The following MAP3K7CL variants were observed in gnomAD, a reference collection of about 807,000 sequenced individuals.
MAP3K7CL encodes the protein MAP3K7 C-terminal like, also known as MAP3K7 C-terminal-like protein.
In MAP3K7CL, 16 loss-of-function variants were observed where a neutral mutation model predicts 18.6. The observed-to-expected ratio is 0.86, with a 90% CI of 0.58 to 1.31. The LOEUF (loss-of-function observed/expected upper bound fraction) is 1.31, where lower values mean the gene tolerates loss of function less well. Ranked by LOEUF, MAP3K7CL falls within the 50% of genes most tolerant of loss-of-function variation. MAP3K7CL has a pLI of 0.00. For synonymous variants in MAP3K7CL, 65 were observed against 66.8 expected (o/e 0.97, Z 0.13); for missense variants, 163 against 174.4 (o/e 0.93, Z 0.37).
chr21:29,090,388 G>C (rs554606323), intron 1 of MAP3K7CL, among the ~76,000 whole-genome samples: 1 of 148,834 alleles, frequency 6.7e-6, no homozygotes, highest in East Asian at 2.0e-4. Flanking sequence ...TTGTTTTGTT[G>C]TTTTTTTTTT....
At chr21:29,164,110 AC>A (rs67201091) in intron 4 of MAP3K7CL, among the ~76,000 whole-genome samples, 18,659 of 151,358 alleles carry the variant, frequency 0.12, 1,369 homozygotes, top group East Asian at 0.32. Context: ...AAAAAAAAAA[AC>A]AAACTGCTAG....
At chr21:29,094,597 TG>T (rs2086088427) in intron 4 of MAP3K7CL, among the ~76,000 whole-genome samples, 1 of 152,198 alleles carries the variant, frequency 6.6e-6, no homozygotes, top group Non-Finnish European at 1.5e-5. Flanking sequence ...GTGCAAAATT[TG>T]TATCAACTAG....
At chr21:29,122,672 C>G (rs1667278159) in intron 4 of MAP3K7CL, among the ~76,000 whole-genome samples, 2 of 152,214 alleles carry the variant, frequency 1.3e-5, no homozygotes, top group South Asian at 4.1e-4. Flanking sequence ...TTCTCTACTT[C>G]TCTGCCGCTC....
chr21:29,123,067 T>C (rs1354492815), intron 4 of MAP3K7CL, among the ~76,000 whole-genome samples: 3 of 145,684 alleles, frequency 2.1e-5, no homozygotes, highest in Non-Finnish European at 3.0e-5. Context: ...TTTTTTTTTT[T>C]TTTTTTTTTT....
chr21:29,162,268 A>G (rs2146732645), intron 4 of MAP3K7CL, among the ~76,000 whole-genome samples: 1 of 151,658 alleles, frequency 6.6e-6, no homozygotes, highest in East Asian at 1.9e-4. Context: ...TTCAGACTGA[A>G]GGTACTGGAG....
chr21:29,126,453 T>TTTTG (rs1047156009), upstream of MAP3K7CL, among the ~76,000 whole-genome samples: 3 of 152,112 alleles, frequency 2.0e-5, no homozygotes, highest in Admixed American at 6.6e-5. Flanking sequence ...CTTTCTGTTT[T>TTTTG]TTTGTTTGTT....
At chr21:29,129,215 G>T (rs537582455), upstream of MAP3K7CL, among the ~76,000 whole-genome samples, 2 of 152,128 alleles carry the variant, frequency 1.3e-5, no homozygotes, top group African/African-American at 2.4e-5. Context: ...TTACATTAGG[G>T]TTCACTCTGT....
At chr21:29,077,786 G>C (rs1023525618) in intron 1 of MAP3K7CL, 1 of 152,322 alleles carries the variant, frequency 6.6e-6, no homozygotes, top group Non-Finnish European at 1.5e-5. Context: ...AATCAAGAGG[G>C]TTTTTGCGCA....
At chr21:29,082,774 A>T (rs2085857606), upstream of MAP3K7CL, among the ~76,000 whole-genome samples, 1 of 152,206 alleles carries the variant, frequency 6.6e-6, no homozygotes, top group South Asian at 2.1e-4. Flanking sequence ...CTAAAACCCC[A>T]GTCCCTGCTT....
At chr21:29,107,141 C>T (rs2086337227) in intron 4 of MAP3K7CL, among the ~76,000 whole-genome samples, 1 of 152,042 alleles carries the variant, frequency 6.6e-6, no homozygotes, top group Non-Finnish European at 1.5e-5. Context: ...GATGGTGAAT[C>T]CCCGTCTCTA....
chr21:29,147,307 CTG>C (rs2087151497), intron 2 of MAP3K7CL, among the ~76,000 whole-genome samples: 1 of 151,914 alleles, frequency 6.6e-6, no homozygotes, highest in East Asian at 1.9e-4. Flanking sequence ...TGCACTGTAT[CTG>C]TACTGTATAC....
upstream of MAP3K7CL, among the ~76,000 whole-genome samples, chr21:29,129,252 T>C (rs975939818): frequency 6.6e-6 from 1 of 152,228 alleles, no homozygotes; most frequent in African/African-American, 2.4e-5. Context: ...GTTTGGACAA[T>C]TGTGTAATGA....
chr21:29,125,175 C>G (rs905820053), intron 4 of MAP3K7CL, among the ~76,000 whole-genome samples: 1 of 152,176 alleles, frequency 6.6e-6, no homozygotes, highest in Non-Finnish European at 1.5e-5. Context: ...GTTGCACGTA[C>G]TTGTATTGCT....
At chr21:29,150,436 T>C (rs2087242099) in intron 3 of MAP3K7CL, among the ~76,000 whole-genome samples, 1 of 152,160 alleles carries the variant, frequency 6.6e-6, no homozygotes, top group South Asian at 2.1e-4. Context: ...ATTCTCACCT[T>C]TGTAGCAGTC....
At chr21:29,158,494 A>AAATCTATTT (rs1250478712) in intron 3 of MAP3K7CL, among the ~76,000 whole-genome samples, 1 of 152,200 alleles carries the variant, frequency 6.6e-6, no homozygotes, top group Non-Finnish European at 1.5e-5. Context: ...AATTTGACCT[A>AAATCTATTT]AATCTATTTA....
chr21:29,095,838 A>G (rs965600956), intron 4 of MAP3K7CL, among the ~76,000 whole-genome samples: 14 of 152,242 alleles, frequency 9.2e-5, no homozygotes, highest in Admixed American at 1.3e-4. Flanking sequence ...TAGCAAGACT[A>G]AAGTGTCAAG....
chr21:29,116,638 C>T (rs1264636230), intron 4 of MAP3K7CL, among the ~76,000 whole-genome samples: 1 of 152,138 alleles, frequency 6.6e-6, no homozygotes, highest in African/African-American at 2.4e-5. Flanking sequence ...AAACTTCTGT[C>T]TGTATTCTGA....
intron 4 of MAP3K7CL, among the ~76,000 whole-genome samples, chr21:29,095,386 T>C (rs1007529330): frequency 2.0e-5 from 3 of 152,304 alleles, no homozygotes; most frequent in African/African-American, 7.2e-5. Context: ...TCATTTTTCT[T>C]GCCTGTTCTG....
At chr21:29,081,490 TGG>T (rs2085834019), upstream of MAP3K7CL, among the ~76,000 whole-genome samples, 1 of 152,002 alleles carries the variant, frequency 6.6e-6, no homozygotes, top group African/African-American at 2.4e-5. Flanking sequence ...GAGGCGGAGT[TGG>T]CAGTGAGCCG....
Sources: allele counts gnomAD v4.1 joint callset (sites outside exome capture counted in the v4.1 genomes callset), GRCh38; gene constraint gnomAD v4.1.1; transcripts MANE v1.5; gene names NCBI Gene and HGNC (gene_info 2026-07-23, HGNC 2026-07-21).